OPA3: variants seen among roughly 807,000 people sequenced by gnomAD.
OPA3 encodes outer mitochondrial membrane lipid metabolism regulator OPA3, also known as optic atrophy 3 protein.
OPA3 carries 6 observed loss-of-function variants against 4.0 expected under a neutral mutation model. The observed-to-expected ratio is 1.51, with a 90% CI of 0.83 to 2.99. OPA3 has a LOEUF of 2.99. OPA3 is among the 30% of genes most tolerant of loss of function. OPA3 has a pLI of 0.00. For missense variants in OPA3, 235 were observed against 256.2 expected (o/e 0.92, Z 0.56); for synonymous variants, 105 against 117.1 (o/e 0.90, Z 0.67).
intron 1 of OPA3, among the ~76,000 whole-genome samples, chr19:45,540,345 A>G (rs573058641): frequency 1.3e-5 from 2 of 151,662 alleles, no homozygotes; most frequent in East Asian, 3.9e-4. Flanking sequence ...AAAATAAAAA[A>G]TAAAATAAAA....
Position 45,551,970 on chromosome 19 carries a change from G to A in OPA3, c.*1544C>T. On this transcript the variant is annotated 3_prime_UTR_variant, in exon 2 of 2. Coordinates refer to ENST00000263275, the MANE Select transcript of OPA3 (RefSeq NM_025136.4). ...ACATGCCACACAGTACAAGCTCCAG[G>A]GACTCTGAGGACAGGAAAATAGGGG... 3.0e-6 allele frequency: 3 copies of A among 985,518 alleles called. No individual in the cohort carries two copies. The highest frequency in any genetic ancestry group is 1.7e-5 in the African/African-American group (1 of 57,346). 61.0% of individuals were successfully genotyped at this position (985,518 alleles called of 1,614,324 possible). A position where few individuals can be genotyped will look rare whatever the true frequency, so the allele number is the denominator to read the frequency against.
intron 1 of OPA3, among the ~76,000 whole-genome samples, chr19:45,573,417 C>T (rs554113770): frequency 2.0e-5 from 3 of 152,240 alleles, no homozygotes; most frequent in South Asian, 4.1e-4. Context: ...CGCCACTGCA[C>T]TCCGGCCTGG....
chr19:45,531,117 C>T (rs531892541), intron 1 of OPA3, among the ~76,000 whole-genome samples: 288 of 151,720 alleles, frequency 1.9e-3, no homozygotes, highest in African/African-American at 6.5e-3. Flanking sequence ...TATTGGTAAC[C>T]TATGTAATTG....
intron 1 of OPA3, among the ~76,000 whole-genome samples, chr19:45,556,330 A>G (rs1969420883): frequency 6.6e-6 from 1 of 151,802 alleles, no homozygotes; most frequent in South Asian, 2.1e-4. Context: ...TTTTGGGTAG[A>G]GATGGGGTCT....
intron 1 of OPA3, among the ~76,000 whole-genome samples, chr19:45,558,667 C>G (rs1363624596): frequency 6.6e-6 from 1 of 152,114 alleles, no homozygotes; most frequent in African/African-American, 2.4e-5. Context: ...CCTTTCTCCG[C>G]TCCCCCATTT....
chr19:45,564,322 GGA>G lies in OPA3; in HGVS notation c.143-10413_143-10412del, dbSNP rs201139753. ...AGGGGGGCAGGTAGAGGGAAGAAGG[GGA>G]GAGGGGGAAAGGGCGGTGACAAGAA... is the stretch of plus-strand genomic sequence containing the variant. On this transcript the variant is annotated intron_variant, in intron 1 of 1. Coordinates refer to ENST00000263275, the MANE Select transcript of OPA3 (RefSeq NM_025136.4). Among the ~76,000 whole-genome samples, 13 of 74,156 alleles carry G rather than the reference GGA, an allele frequency of 1.8e-4. 1 individual carries two copies. The highest frequency in any genetic ancestry group is 5.4e-4 in the African/African-American group (9 of 16,742). 48.6% of individuals were successfully genotyped at this position (74,156 alleles called of 152,430 possible).
At chr19:45,534,003 G>T (rs191626860) in intron 1 of OPA3, among the ~76,000 whole-genome samples, 1 of 152,212 alleles carries the variant, frequency 6.6e-6, no homozygotes, top group African/African-American at 2.4e-5. Context: ...TTTTGGCATA[G>T]AATTGGGATT....
At chr19:45,581,551 T>C (rs912828122) in intron 1 of OPA3, among the ~76,000 whole-genome samples, 1 of 152,192 alleles carries the variant, frequency 6.6e-6, no homozygotes, top group African/African-American at 2.4e-5. Context: ...AGGAATTCCT[T>C]GAGGGCACAG....
At chr19:45,557,098 G>A (rs527832658) in intron 1 of OPA3, among the ~76,000 whole-genome samples, 1 of 152,302 alleles carries the variant, frequency 6.6e-6, no homozygotes, top group East Asian at 1.9e-4. Context: ...AGGGGTGAGG[G>A]TTCCAGATCC....
In OPA3 at chr19:45,576,318, G is replaced by A. The variant is rs377561535; in HGVS notation, c.142+8305C>T. On this transcript the variant is annotated intron_variant, in intron 1 of 1. Transcript: ENST00000263275. ...GGCCAAGGCAGGTGGATCACCTGAG[G>A]TCAGGAGTTCAAGACCAGCCTAGCC... 3.3e-5 allele frequency among the ~76,000 whole-genome samples: 5 copies of A among 152,270 alleles called. No individual in the cohort carries two copies. In the East Asian group the frequency reaches 9.6e-4, roughly 29 times the overall value.
chr19:45,569,581 T>C (rs935895072), intron 1 of OPA3, among the ~76,000 whole-genome samples: 5 of 152,160 alleles, frequency 3.3e-5, no homozygotes. Flanking sequence ...TAGAAGCCGA[T>C]ACTCACCACT....
Position 45,550,843 on chromosome 19 carries a change from AC to A in OPA3, c.*2670del, listed in dbSNP as rs2122426963. Reference sequence around the variant, plus strand: ...GACAGACTGCAGGCTACTGGGACCCACCCCCTCCCGCTTCAGTGGCAGATCC... The same window carrying A: ...GACAGACTGCAGGCTACTGGGACCCACCCCTCCCGCTTCAGTGGCAGATCC... On this transcript the variant is annotated 3_prime_UTR_variant, in exon 2 of 2. Transcript: ENST00000263275. 2 of 985,724 alleles carry A rather than the reference AC, an allele frequency of 2.0e-6. No homozygotes were observed. The highest frequency in any genetic ancestry group is 1.7e-5 in the African/African-American group (1 of 57,220). The allele number at this position is 985,724 out of a possible 1,614,324, so 61.1% of individuals were successfully genotyped here. A position where few individuals can be genotyped will look rare whatever the true frequency, so the allele number is the denominator to read the frequency against.
At position 45,553,554 on chromosome 19, in the gene OPA3, C is replaced by T; in HGVS notation, c.500G>A (p.Gly167Asp). ...QEVRAQLCNP[G>D]RSASHAVPAS... The stretch of plus-strand genomic sequence containing the variant: ...AGGCACTGCGTGGGAAGCGGACCGG[C>T]CGGGATTGCAGAGCTGGGCGCGCAC... The change falls in exon 2 of 2, where the codon GGC becomes GAC. Residue 167 changes from glycine to aspartate, a missense_variant. Coordinates refer to ENST00000263275, the MANE Select transcript of OPA3 (RefSeq NM_025136.4). 1.2e-6 allele frequency: 2 copies of T among 1,613,366 alleles called. No homozygotes were observed. Among genetic ancestry groups the T allele is most frequent in the Non-Finnish European group, 1.7e-6 (2 of 1,180,002 alleles).
chr19:45,566,196 C>T (rs1290497597), intron 1 of OPA3, among the ~76,000 whole-genome samples: 1 of 152,098 alleles, frequency 6.6e-6, no homozygotes, highest in African/African-American at 2.4e-5. Context: ...GTCGCCCAGG[C>T]TGGAGTGCAA....
Position 45,552,009 on chromosome 19 carries a change from G to A in OPA3, c.*1505C>T. 1.0e-6 allele frequency: 1 copy of A among 985,608 alleles called. No homozygotes were observed. Among genetic ancestry groups the A allele is most frequent in the Non-Finnish European group, 1.2e-6 (1 of 830,104 alleles). 61.1% of individuals were successfully genotyped at this position (985,608 alleles called of 1,614,324 possible). ...GGAAAATAGGGGGCTGAGGCTGAAG[G>A]ACAGGCTGGATTAGCCCTAGTTAGG... On this transcript the variant is annotated 3_prime_UTR_variant, in exon 2 of 2. Coordinates refer to ENST00000263275, the MANE Select transcript of OPA3 (RefSeq NM_025136.4).
At chr19:45,545,020 C>G (rs530188951), downstream of OPA3, among the ~76,000 whole-genome samples, 47 of 150,368 alleles carry the variant, frequency 3.1e-4, no homozygotes, top group African/African-American at 1.1e-3. Flanking sequence ...CAAAAATTAG[C>G]CAGGCATGGT....
In OPA3 at chr19:45,552,204, C is replaced by T. The variant is rs2122431814; in HGVS notation, c.*1310G>A. The T allele has an allele frequency of 2.1e-6, 2 of 975,524 alleles. No individual in the cohort carries two copies. The highest frequency in any genetic ancestry group is 9.6e-5 in the South Asian group (2 of 20,808). The allele number at this position is 975,524 out of a possible 1,614,324, so 60.4% of individuals were successfully genotyped here. On this transcript the variant is annotated 3_prime_UTR_variant, in exon 2 of 2. Transcript: ENST00000263275. ...ATGATTCCAGGGATTGACTGCAGGC[C>T]AGGACCTTTTGTGGGTTTTTTTAAG...
At chr19:45,529,631 T>C (rs1969036930) in intron 1 of OPA3, among the ~76,000 whole-genome samples, 1 of 152,216 alleles carries the variant, frequency 6.6e-6, no homozygotes, top group Non-Finnish European at 1.5e-5. Context: ...CAGAATCCTC[T>C]AGGGAAAACT....
chr19:45,577,717 CAAATAG>C (rs1473760678), intron 1 of OPA3, among the ~76,000 whole-genome samples: 2 of 152,188 alleles, frequency 1.3e-5, no homozygotes, highest in Non-Finnish European at 2.9e-5. Context: ...AATGACAGAA[CAAATAG>C]ACCTCAGGAG....
Sources: allele counts gnomAD v4.1 joint callset (sites outside exome capture counted in the v4.1 genomes callset), GRCh38; gene constraint gnomAD v4.1.1; transcripts MANE v1.5; gene names NCBI Gene and HGNC (gene_info 2026-07-23, HGNC 2026-07-21).